Variants in MLLT3 observed in about 807,000 individuals in gnomAD.
MLLT3 encodes the protein MLLT3 super elongation complex subunit.
Under a neutral mutation model 53.2 loss-of-function variants are expected in MLLT3, and 4 were observed. The observed-to-expected ratio is 0.08, with a 90% confidence interval of 0.04 to 0.17. The LOEUF is 0.17. MLLT3 is among the 10% of genes least tolerant of loss of function. The probability of loss-of-function intolerance (pLI) is 1.00; values close to 1 mark genes in which losing one functional copy is unlikely to be tolerated. For missense variants in MLLT3, 569 were observed against 684.0 expected (o/e 0.83, Z 1.87); for synonymous variants, 283 against 230.6 (o/e 1.23, Z -2.06).
At chr9:20,597,651 A>C (rs1159012217) in intron 2 of MLLT3, among the ~76,000 whole-genome samples, 1 of 152,162 alleles carries the variant, frequency 6.6e-6, no homozygotes, top group African/African-American at 2.4e-5. Flanking sequence ...CATGTATTGC[A>C]CTTGACCAAT....
intron 2 of MLLT3, among the ~76,000 whole-genome samples, chr9:20,463,427 G>C (rs1490556566): frequency 6.6e-6 from 1 of 151,530 alleles, no homozygotes; most frequent in Admixed American, 6.6e-5. Flanking sequence ...TGTTAAAACA[G>C]GACTGCTTTC....
chr9:20,434,119 C>CA (rs1463036315), intron 4 of MLLT3, among the ~76,000 whole-genome samples: 3 of 151,172 alleles, frequency 2.0e-5, no homozygotes, highest in African/African-American at 4.9e-5. Flanking sequence ...GACTTCATCT[C>CA]AAAAAAATAA....
intron 4 of MLLT3, among the ~76,000 whole-genome samples, chr9:20,427,272 G>A (rs1823160739): frequency 6.6e-6 from 1 of 151,022 alleles, no homozygotes; most frequent in Non-Finnish European, 1.5e-5. Flanking sequence ...AGAATGACTG[G>A]GCCACTGAAA....
At chr9:20,388,150 G>C (rs924506283) in intron 5 of MLLT3, among the ~76,000 whole-genome samples, 2 of 151,858 alleles carry the variant, frequency 1.3e-5, no homozygotes, top group African/African-American at 4.9e-5. Flanking sequence ...GGAAGATCAA[G>C]TATTGATTTA....
chr9:20,503,337 A>G (rs1039776548), intron 2 of MLLT3, among the ~76,000 whole-genome samples: 2 of 152,220 alleles, frequency 1.3e-5, no homozygotes, highest in Non-Finnish European at 2.9e-5. Context: ...CTGCTGGTAT[A>G]AAAAGAGACA....
chr9:20,483,372 G>A (rs890412913), intron 2 of MLLT3, among the ~76,000 whole-genome samples: 3 of 151,636 alleles, frequency 2.0e-5, no homozygotes, highest in Admixed American at 2.0e-4. Context: ...CAAGTAGCTG[G>A]GACTACAGGC....
intron 4 of MLLT3, among the ~76,000 whole-genome samples, chr9:20,419,773 C>T (rs534978926): frequency 6.6e-5 from 10 of 152,202 alleles, no homozygotes; most frequent in South Asian, 4.1e-4. Flanking sequence ...CCACTGTCCC[C>T]GCCAAAGGAA....
intron 2 of MLLT3, among the ~76,000 whole-genome samples, chr9:20,589,781 G>A (rs1042103889): frequency 6.6e-6 from 1 of 150,882 alleles, no homozygotes; most frequent in African/African-American, 2.4e-5. Flanking sequence ...TGCAATCTCG[G>A]CTCACTGCAA....
chr9:20,618,200 C>G (rs1411831623), intron 2 of MLLT3, among the ~76,000 whole-genome samples: 1 of 152,156 alleles, frequency 6.6e-6, no homozygotes, highest in East Asian at 1.9e-4. Flanking sequence ...TCTCCAATTT[C>G]CAATTGGTAG....
At chr9:20,475,570 T>G (rs1824499977) in intron 2 of MLLT3, among the ~76,000 whole-genome samples, 1 of 152,110 alleles carries the variant, frequency 6.6e-6, no homozygotes, top group African/African-American at 2.4e-5. Flanking sequence ...TGAAGGACAA[T>G]TCAACAGGAT....
chr9:20,570,019 T>C (rs1000881356), intron 2 of MLLT3, among the ~76,000 whole-genome samples: 1 of 152,208 alleles, frequency 6.6e-6, no homozygotes, highest in Non-Finnish European at 1.5e-5. Context: ...ATCTATTCTA[T>C]AAATGAAAGA....
intron 2 of MLLT3, among the ~76,000 whole-genome samples, chr9:20,556,509 C>T (rs960263318): frequency 6.6e-6 from 1 of 151,912 alleles, no homozygotes; most frequent in Non-Finnish European, 1.5e-5. Flanking sequence ...AAGGTGAAAC[C>T]CCATCTCTAC....
chr9:20,390,403 G>T (rs915673399), intron 5 of MLLT3, among the ~76,000 whole-genome samples: 3 of 152,146 alleles, frequency 2.0e-5, no homozygotes, highest in Non-Finnish European at 4.4e-5. Context: ...ATAAAGATCA[G>T]ATAAAAGCAC....
chr9:20,514,448 A>G (rs748894372), intron 2 of MLLT3, among the ~76,000 whole-genome samples: 1 of 152,202 alleles, frequency 6.6e-6, no homozygotes, highest in African/African-American at 2.4e-5. Flanking sequence ...CCAAACCAGT[A>G]GCAATGAGAC....
At chr9:20,493,470 T>C (rs1825004045) in intron 2 of MLLT3, among the ~76,000 whole-genome samples, 1 of 152,008 alleles carries the variant, frequency 6.6e-6, no homozygotes, top group Non-Finnish European at 1.5e-5. Context: ...CACAGACAAG[T>C]CTTTAAGGAA....
chr9:20,586,135 A>G (rs1430599568), intron 2 of MLLT3, among the ~76,000 whole-genome samples: 2 of 152,100 alleles, frequency 1.3e-5, no homozygotes, highest in African/African-American at 4.8e-5. Context: ...CGGGCAACAT[A>G]GCGAGGCTTC....
chr9:20,353,151 C>T (rs1821077692), intron 10 of MLLT3, among the ~76,000 whole-genome samples: 1 of 152,256 alleles, frequency 6.6e-6, no homozygotes, highest in Non-Finnish European at 1.5e-5. Context: ...CAACACTTGA[C>T]TCAAATTCTT....
chr9:20,530,920 C>A (rs535944351), intron 2 of MLLT3, among the ~76,000 whole-genome samples: 1 of 150,898 alleles, frequency 6.6e-6, no homozygotes, highest in Non-Finnish European at 1.5e-5. Flanking sequence ...TGTGAGCCAT[C>A]GTGCCTGGCG....
intron 2 of MLLT3, among the ~76,000 whole-genome samples, chr9:20,502,966 A>T (rs1259703272): frequency 6.6e-6 from 1 of 152,226 alleles, no homozygotes; most frequent in Admixed American, 6.5e-5. Flanking sequence ...AACCAAAAAG[A>T]ACAGAATGCT....
Sources: gnomAD v4.1 joint callset for allele counts (sites outside exome capture counted in the v4.1 genomes callset) on GRCh38, gnomAD v4.1.1 for gene constraint, MANE v1.5 for transcripts, NCBI Gene and HGNC (gene_info 2026-07-23, HGNC 2026-07-21) for gene names.